Variants in FABP6 observed in about 807,000 individuals in gnomAD.
FABP6 encodes fatty acid binding protein 6.
FABP6 carries 13 observed loss-of-function variants against 14.9 expected under a neutral mutation model. The ratio of observed to expected loss-of-function variants is 0.87; its 90% CI spans 0.57 to 1.39. The LOEUF (loss-of-function observed/expected upper bound fraction) is 1.39. FABP6 is among the 40% of genes most tolerant of loss of function. FABP6 has a pLI of 0.00. For synonymous variants in FABP6, 75 were observed against 63.6 expected, an observed-to-expected ratio of 1.18 and a Z score of -0.85; for missense variants, 161 against 167.2, an observed-to-expected ratio of 0.96 and a Z score of 0.20.
At chr5:160,238,470 C>A in intron 3 of FABP6, 136 bp from the exon 4 acceptor site, 1 of 690,090 alleles carries the variant, frequency 1.4e-6, no homozygotes, top group Non-Finnish European at 2.6e-6. Context: ...AATTGGGAAA[C>A]TGAGGCCGAA....
upstream of FABP6, among the ~76,000 whole-genome samples, chr5:160,226,314 G>C (rs1001425551): frequency 6.6e-6 from 1 of 151,864 alleles, no homozygotes; most frequent in Non-Finnish European, 1.5e-5. Context: ...TGTAGTTCCA[G>C]CACTTTGGGA....
intron 1 of FABP6, among the ~76,000 whole-genome samples, chr5:160,230,431 G>A (rs1029937049): frequency 6.6e-6 from 1 of 152,118 alleles, no homozygotes; most frequent in Non-Finnish European, 1.5e-5. Context: ...CATGATCTCA[G>A]CTCACTGCAA....
intron 2 of FABP6, among the ~76,000 whole-genome samples, chr5:160,205,928 A>T (rs1759755658): frequency 6.6e-6 from 1 of 152,128 alleles, no homozygotes; most frequent in African/African-American, 2.4e-5. Context: ...GAGAGATATT[A>T]ACTTGATTTA....
intron 2 of FABP6, among the ~76,000 whole-genome samples, chr5:160,203,121 C>T (rs193072763): frequency 1.3e-5 from 2 of 152,002 alleles, no homozygotes; most frequent in South Asian, 2.1e-4. Flanking sequence ...AGGCTGGTCT[C>T]GAACTCCTGA....
intron 1 of FABP6, among the ~76,000 whole-genome samples, chr5:160,231,857 A>T (rs1397764575): frequency 1.3e-5 from 2 of 152,146 alleles, no homozygotes; most frequent in Non-Finnish European, 2.9e-5. Context: ...GCCTTTTGGG[A>T]TGGGCCTTAT....
chr5:160,228,011 T>G (rs1014859940), upstream of FABP6, among the ~76,000 whole-genome samples: 5 of 152,028 alleles, frequency 3.3e-5, no homozygotes, highest in East Asian at 5.8e-4. Flanking sequence ...GCAACTGTAT[T>G]GAATTCAGCT....
At chr5:160,203,250 G>A (rs1454856576) in intron 2 of FABP6, among the ~76,000 whole-genome samples, 2 of 152,106 alleles carry the variant, frequency 1.3e-5, no homozygotes, top group African/African-American at 4.8e-5. Flanking sequence ...GCAGAAACGG[G>A]GAACAAAAAG....
chr5:160,216,216 A>G (rs1257260548), intron 3 of FABP6, among the ~76,000 whole-genome samples: 1 of 152,104 alleles, frequency 6.6e-6, no homozygotes, highest in Non-Finnish European at 1.5e-5. Flanking sequence ...TGTGCTAGTA[A>G]GTACTTATTG....
chr5:160,191,964 A>T (rs1441573482), intron 1 of FABP6, among the ~76,000 whole-genome samples: 2 of 150,292 alleles, frequency 1.3e-5, no homozygotes, highest in Non-Finnish European at 3.0e-5. Context: ...ACAGAGCGAG[A>T]CTCCATCTCA....
intron 2 of FABP6, among the ~76,000 whole-genome samples, chr5:160,213,053 CA>C (rs748787973): frequency 3.3e-5 from 5 of 152,298 alleles, no homozygotes; most frequent in Admixed American, 6.5e-5. Flanking sequence ...GGCACCTATC[CA>C]GCCCACAGTC....
At chr5:160,237,975 C>A (rs1195777924) in intron 3 of FABP6, among the ~76,000 whole-genome samples, 2 of 152,184 alleles carry the variant, frequency 1.3e-5, no homozygotes, top group Non-Finnish European at 2.9e-5. Context: ...CTGTTTGCTA[C>A]CCGCCCTTCT....
intron 3 of FABP6, among the ~76,000 whole-genome samples, chr5:160,236,620 G>T (rs1760522134): frequency 6.6e-6 from 1 of 152,100 alleles, no homozygotes; most frequent in Non-Finnish European, 1.5e-5. Context: ...TAGGCCCCCT[G>T]CCTCTTCTGC....
rs377269931 is a variant in FABP6, at chr5:160,229,537, G to A, written c.-21G>A. The stretch of plus-strand genomic sequence containing the variant: ...CATTCTCCTCATCCCTCTGCTCTCT[G>A]GCCTCCAGCCTCCCAGCAGCATGGC... On this transcript the variant is annotated 5_prime_UTR_variant, in exon 1 of 4. Transcript: ENST00000402432. 1.9e-6 allele frequency: 3 copies of A among 1,613,876 alleles called. No individual in the cohort carries two copies. Among genetic ancestry groups the A allele is most frequent in the Non-Finnish European group, 2.5e-6 (3 of 1,179,824 alleles).
intron 3 of FABP6, among the ~76,000 whole-genome samples, chr5:160,221,398 A>C (rs1401128233): frequency 6.6e-6 from 1 of 152,184 alleles, no homozygotes; most frequent in African/African-American, 2.4e-5. Flanking sequence ...GACTGATGAA[A>C]GGTGAGCAGT....
intron 1 of FABP6, among the ~76,000 whole-genome samples, chr5:160,192,350 GT>G (rs1186624348): frequency 6.6e-6 from 1 of 151,864 alleles, no homozygotes; most frequent in Non-Finnish European, 1.5e-5. Context: ...CCCTCACCCT[GT>G]GTTCTCCTGT....
chr5:160,227,183 C>G (rs1484695903), upstream of FABP6, among the ~76,000 whole-genome samples: 2 of 152,082 alleles, frequency 1.3e-5, no homozygotes, highest in South Asian at 2.1e-4. Flanking sequence ...ATTACATAAA[C>G]AGGAGGTAAC....
upstream of FABP6, among the ~76,000 whole-genome samples, chr5:160,226,181 ATTAAT>A (rs1423486651): frequency 3.9e-5 from 6 of 152,084 alleles, no homozygotes; most frequent in South Asian, 1.0e-3. Context: ...AAATAAATAA[ATTAAT>A]TAATTAATAA....
In FABP6 at chr5:160,205,317, CAAAAA is replaced by C. The variant is rs1163175404; in HGVS notation, c.51+6178_51+6182del. 1.4e-3 allele frequency among the ~76,000 whole-genome samples: 94 copies of C among 67,078 alleles called. 1 individual carries two copies. The Admixed American group carries it at 0.015, about 11-fold the overall frequency. The allele number at this position is 67,078 out of a possible 152,430, so 44.0% of individuals were successfully genotyped here. On this transcript the variant is annotated intron_variant, in intron 2 of 6. Transcript: ENST00000393980. Reference sequence around the variant, plus strand: ...TGGGTGACAGAGCAAGACTTCATCTCAAAAAAAAAAAAAAAAAAAAAAGCAACTGA... The same window carrying C: ...TGGGTGACAGAGCAAGACTTCATCTCAAAAAAAAAAAAAAAAAGCAACTGA...
At chr5:160,224,529 A>G (rs1760201069), upstream of FABP6, among the ~76,000 whole-genome samples, 1 of 152,214 alleles carries the variant, frequency 6.6e-6, no homozygotes, top group Non-Finnish European at 1.5e-5. Flanking sequence ...ATTAGAAATG[A>G]TTAAGCTTAA....
Sources: gnomAD v4.1 joint callset for allele counts (sites outside exome capture counted in the v4.1 genomes callset) on GRCh38, gnomAD v4.1.1 for gene constraint, MANE v1.5 for transcripts, NCBI Gene and HGNC (gene_info 2026-07-23, HGNC 2026-07-21) for gene names.